The following CDH4 variants were observed in gnomAD, a reference collection of about 807,000 sequenced individuals.
CDH4 encodes the protein cadherin 4.
A neutral mutation model predicts 86.0 loss-of-function variants in CDH4; 33 were observed. That is an observed-to-expected ratio of 0.38 (90% CI 0.29 to 0.51). The LOEUF is 0.51. Among genes scored for constraint, CDH4 ranks in the 20% least tolerant of loss-of-function variants. The pLI, the probability that CDH4 is intolerant of heterozygous loss-of-function variation, is 0.86. For synonymous variants in CDH4, 555 were observed against 549.4 expected, an observed-to-expected ratio of 1.01 and a Z score of -0.14; for missense variants, 1,114 against 1,307.4, an observed-to-expected ratio of 0.85 and a Z score of 2.28.
At chr20:61,873,128 A>G (rs1983876861) in intron 6 of CDH4, among the ~76,000 whole-genome samples, 1 of 152,164 alleles carries the variant, frequency 6.6e-6, no homozygotes, top group Non-Finnish European at 1.5e-5. Flanking sequence ...AGCCCCTCTG[A>G]AATGCCAGCG....
chr20:61,844,619 C>T, intron 4 of CDH4, 49 bp from the exon 5 acceptor site: 1 of 1,562,056 alleles, frequency 6.4e-7, no homozygotes, highest in Non-Finnish European at 8.7e-7. Flanking sequence ...GGCCCCGGGC[C>T]TCTCCTCACC....
At chr20:61,914,731 C>T (rs1487868990) in intron 9 of CDH4, among the ~76,000 whole-genome samples, 1 of 152,174 alleles carries the variant, frequency 6.6e-6, no homozygotes, top group Non-Finnish European at 1.5e-5. Context: ...GGCGGGCTGG[C>T]ACCCACCAGC....
At chr20:61,342,587 G>A (rs912762556) in intron 2 of CDH4, among the ~76,000 whole-genome samples, 17 of 152,198 alleles carry the variant, frequency 1.1e-4, no homozygotes, top group South Asian at 6.2e-4. Context: ...AGGACGCTTC[G>A]TGCACTCACC....
intron 2 of CDH4, among the ~76,000 whole-genome samples, chr20:61,458,953 A>G (rs893310049): frequency 8.6e-6 from 1 of 116,452 alleles, no homozygotes; most frequent in Non-Finnish European, 1.9e-5. Flanking sequence ...TGCTATCCCC[A>G]CTTTTTTTTT....
intron 2 of CDH4, among the ~76,000 whole-genome samples, chr20:61,520,516 C>T (rs1019743230): frequency 3.9e-5 from 6 of 152,212 alleles, no homozygotes; most frequent in African/African-American, 9.6e-5. Flanking sequence ...GTCAGGCCAG[C>T]GCTTAGCACG....
intron 2 of CDH4, among the ~76,000 whole-genome samples, chr20:61,682,318 A>ATG: frequency 6.6e-6 from 1 of 151,042 alleles, no homozygotes; most frequent in Middle Eastern, 3.2e-3. Flanking sequence ...AGATGGAAGG[A>ATG]GAGAGGGAGG....
At chr20:61,806,575 G>GCA (rs11474177) in intron 4 of CDH4, among the ~76,000 whole-genome samples, 76,404 of 151,694 alleles carry the variant, frequency 0.5, 19,480 homozygotes, top group Non-Finnish European at 0.54. Flanking sequence ...CCACGCGCAC[G>GCA]CACACACACA....
At chr20:61,936,624 T>C in intron 15 of CDH4, 113 bp from the exon 16 acceptor site, 2 of 774,542 alleles carry the variant, frequency 2.6e-6, no homozygotes, top group African/African-American at 1.8e-5. Context: ...ACACCTACTT[T>C]ATGCAACGTC....
chr20:61,353,042 CT>C (rs769601341), intron 2 of CDH4, among the ~76,000 whole-genome samples: 2 of 152,160 alleles, frequency 1.3e-5, no homozygotes, highest in Non-Finnish European at 2.9e-5. Flanking sequence ...CTCCCCTCCC[CT>C]CTCTTAGCTC....
At chr20:61,621,023 G>C (rs1316710714) in intron 2 of CDH4, among the ~76,000 whole-genome samples, 1 of 152,244 alleles carries the variant, frequency 6.6e-6, no homozygotes, top group Non-Finnish European at 1.5e-5. Flanking sequence ...AGATTTATCT[G>C]TGTCCAAATA....
At chr20:61,895,161 T>C (rs189768893) in intron 8 of CDH4, 114 bp downstream of exon 8, 292 of 1,307,578 alleles carry the variant, frequency 2.2e-4, no homozygotes, top group Non-Finnish European at 1.9e-4. Flanking sequence ...ACTTGGCAGA[T>C]AGCGTGTAAG....
chr20:61,934,355 A>C, intron 15 of CDH4, 135 bp downstream of exon 15: 1 of 935,678 alleles, frequency 1.1e-6, no homozygotes, highest in South Asian at 1.9e-5. Context: ...CCCGGGTTCC[A>C]GGCCCTGCTC....
chr20:61,559,285 T>C (rs1294249629), intron 2 of CDH4, among the ~76,000 whole-genome samples: 1 of 152,042 alleles, frequency 6.6e-6, no homozygotes, highest in Middle Eastern at 3.2e-3. Flanking sequence ...GCCACTGCAC[T>C]CCAGCCTGGG....
intron 5 of CDH4, among the ~76,000 whole-genome samples, chr20:61,847,587 G>A (rs1167440094): frequency 3.9e-5 from 6 of 152,216 alleles, no homozygotes; most frequent in Admixed American, 3.3e-4. Context: ...GTGCAAACAC[G>A]CTGTGTTAGC....
At chr20:61,515,109 A>AT (rs1315106436) in intron 2 of CDH4, among the ~76,000 whole-genome samples, 4 of 152,240 alleles carry the variant, frequency 2.6e-5, no homozygotes, top group Non-Finnish European at 4.4e-5. Context: ...GAAAACTGGA[A>AT]TTTTTTGTTT....
Position 61,518,477 on chromosome 20 carries a change from C to T in CDH4, c.170-225086C>T, listed in dbSNP as rs1356890091. Among the ~76,000 whole-genome samples the T allele has an allele frequency of 1.3e-5, 2 of 151,872 alleles. No homozygotes were observed. Among genetic ancestry groups the T allele is most frequent in the Non-Finnish European group, 2.9e-5 (2 of 67,944 alleles). On this transcript the variant is annotated intron_variant, in intron 2 of 15. Transcript: ENST00000614565. This position sits in a 1 kb window ranked among gnomAD's most constrained non-coding sequence, Gnocchi z 6.3. ...GTCATCCACCCATCGTCCATCCATC[C>T]ATCCTTCCATCATTGATTCATCATC...
At chr20:61,933,978 A>G (rs1238130393) in intron 14 of CDH4, 78 bp from the exon 15 acceptor site, 2 of 1,529,102 alleles carry the variant, frequency 1.3e-6, no homozygotes, top group African/African-American at 2.7e-5. Flanking sequence ...GGCCCAGGTG[A>G]CAGAAAAGGA....
At chr20:61,655,513 G>A (rs904418679) in intron 2 of CDH4, among the ~76,000 whole-genome samples, 1 of 152,244 alleles carries the variant, frequency 6.6e-6, no homozygotes, top group African/African-American at 2.4e-5. Flanking sequence ...TTTGACCACT[G>A]CCGTGTTCTC....
At chr20:61,528,852 T>G (rs2085932258) in intron 2 of CDH4, among the ~76,000 whole-genome samples, 1 of 99,182 alleles carries the variant, frequency 1.0e-5, no homozygotes, top group Non-Finnish European at 2.0e-5. Flanking sequence ...TGATCTTGAT[T>G]TTTTTTTTTT....
Sources: allele counts gnomAD v4.1 joint callset (sites outside exome capture counted in the v4.1 genomes callset), GRCh38; gene constraint gnomAD v4.1.1; non-coding constraint Gnocchi (gnomAD v3.1); transcripts MANE v1.5; gene names NCBI Gene and HGNC (gene_info 2026-07-23, HGNC 2026-07-21).